UMPS: variants seen among roughly 807,000 people sequenced by gnomAD.
UMPS encodes uridine monophosphate synthetase, also known as uridine 5'-monophosphate synthase.
Under a neutral mutation model 38.9 loss-of-function variants are expected in UMPS, and 21 were observed. The ratio of observed to expected loss-of-function variants is 0.54; its 90% confidence interval spans 0.38 to 0.78. The LOEUF (loss-of-function observed/expected upper bound fraction) is 0.78. Ranked by LOEUF, UMPS falls within the 30% of genes least tolerant of loss-of-function variation. The pLI is 0.00. For missense variants in UMPS, 533 were observed against 591.6 expected (o/e 0.90, Z 1.03); for synonymous variants, 208 against 219.3 (o/e 0.95, Z 0.45).
At position 124,749,233 on chromosome 3, in the gene UMPS, T is replaced by C. The variant is rs1016712353; in HGVS notation, c.*5149T>C. 4.4e-6 allele frequency: 2 copies of C among 453,414 alleles called. No homozygotes were observed. The allele number at this position is 453,414 out of a possible 1,614,324, so 28.1% of individuals were successfully genotyped here. A position where few individuals can be genotyped will look rare whatever the true frequency, so the allele number is the denominator to read the frequency against. ...TAAAAAAAATATATACATAAAAATATGGGTTCTTTTCAACCTGAATAGATG... is the reference window on the plus strand; with the variant it reads ...TAAAAAAAATATATACATAAAAATACGGGTTCTTTTCAACCTGAATAGATG... On this transcript the variant is annotated 3_prime_UTR_variant, in exon 6 of 6. Coordinates refer to ENST00000232607, the MANE Select transcript of UMPS (RefSeq NM_000373.4).
intron 2 of UMPS, among the ~76,000 whole-genome samples, chr3:124,736,101 T>C (rs1274034196): frequency 6.6e-6 from 1 of 151,706 alleles, no homozygotes; most frequent in East Asian, 1.9e-4. Flanking sequence ...TGGCAACGTT[T>C]GTCTCTACAA....
intron 4 of UMPS, 70 bp from the exon 5 acceptor site, chr3:124,742,082 A>G: frequency 9.3e-7 from 1 of 1,072,920 alleles, no homozygotes. Flanking sequence ...GAAAAAATAG[A>G]GCATATTTTT....
intron 3 of UMPS, 41 bp downstream of exon 3, chr3:124,738,280 A>C (rs758397059): frequency 1.9e-5 from 31 of 1,598,854 alleles, no homozygotes; most frequent in Non-Finnish European, 2.6e-5. Context: ...TCAGAAATCC[A>C]GCTTAAACTG....
rs990993320 is a variant in UMPS, at chr3:124,748,114, A to T, written c.*4030A>T. 1.4e-5 allele frequency: 5 copies of T among 355,832 alleles called. No homozygotes were observed. The highest frequency in any genetic ancestry group is 1.5e-4 in the East Asian group (2 of 13,136). 22.0% of individuals were successfully genotyped at this position (355,832 alleles called of 1,614,324 possible). On this transcript the variant is annotated 3_prime_UTR_variant, in exon 6 of 6. Coordinates refer to ENST00000232607, the MANE Select transcript of UMPS (RefSeq NM_000373.4). ...TATATTAGATATAATATATAATAGT[A>T]TATATAAATAATACTATATTGCCCA...
In UMPS at chr3:124,747,837, T is replaced by G; in HGVS notation, c.*3753T>G. 2.2e-6 allele frequency: 1 copy of G among 452,990 alleles called. No homozygotes were observed. Among genetic ancestry groups the G allele is most frequent in the East Asian group, 7.0e-5 (1 of 14,344 alleles). The allele number at this position is 452,990 out of a possible 1,614,324, so 28.1% of individuals were successfully genotyped here. On this transcript the variant is annotated 3_prime_UTR_variant, in exon 6 of 6. Coordinates refer to ENST00000232607, the MANE Select transcript of UMPS (RefSeq NM_000373.4). ...CTCCCAGCGAAATAGCTGCTTGGTC[T>G]TGTGTGAATCCTGTACTTTAACACA...
In UMPS at chr3:124,737,962, G is replaced by T; in HGVS notation, c.705G>T (p.Arg235Ser). Residue 235 changes from arginine to serine, a missense_variant, in exon 3 of 6, where the codon AGG becomes AGT. By Grantham distance (110) the Arg-to-Ser change is moderately radical. Transcript: ENST00000232607. ...TCGGTGCACGTGCAGAGCTGCCCAG[G>T]ATCCACCCAGTTGCATCGAAGCTTC... is the stretch of plus-strand genomic sequence containing the variant. ...LSFGARAELP[R>S]IHPVASKLLR... is the part of the protein sequence containing the mutation. 6.2e-7 allele frequency: 1 copy of T among 1,614,220 alleles called. No individual in the cohort carries two copies.
In UMPS at chr3:124,738,085, T is replaced by C. The variant is rs1440997417; in HGVS notation, c.828T>C (p.Ser276=). The C allele has an allele frequency of 6.2e-7, 1 of 1,614,116 alleles. No homozygotes were observed. The highest frequency in any genetic ancestry group is 1.3e-5 in the African/African-American group (1 of 74,940). Residue 276 remains serine, a synonymous_variant, in exon 3 of 6, where the codon AGT becomes AGC. Transcript: ENST00000232607. The stretch of plus-strand genomic sequence containing the variant: ...AGCTAGCAGATGCTTTAGGACCTAG[T>C]ATCTGCATGCTGAAGACTCATGTAG... ...LLQLADALGP[S]ICMLKTHVDI...
At position 124,743,871 on chromosome 3, in the gene UMPS, G is replaced by T; in HGVS notation, c.1274-44G>T. 1.9e-6 allele frequency: 3 copies of T among 1,611,702 alleles called. No individual in the cohort carries two copies. In the South Asian group the frequency reaches 3.3e-5, roughly 18 times the overall value. Reference sequence around the variant, plus strand: ...AGAGAAGTCATGTGACAGGTTTTCTGATTTTTGTATTATGTGAAACAACAA... The same window carrying T: ...AGAGAAGTCATGTGACAGGTTTTCTTATTTTTGTATTATGTGAAACAACAA... On this transcript the variant is annotated intron_variant, in intron 5 of 5. Coordinates refer to ENST00000232607, the MANE Select transcript of UMPS (RefSeq NM_000373.4).
At chr3:124,735,816 A>G (rs2063514480) in intron 2 of UMPS, among the ~76,000 whole-genome samples, 1 of 152,164 alleles carries the variant, frequency 6.6e-6, no homozygotes, top group Admixed American at 6.5e-5. Context: ...GTCTCTACTA[A>G]AAATACAAAA....
In UMPS at chr3:124,730,467, C is replaced by G; in HGVS notation, c.-5C>G. The G allele has an allele frequency of 6.2e-7, 1 of 1,614,018 alleles. No homozygotes were observed. Among genetic ancestry groups the G allele is most frequent in the Non-Finnish European group, 8.5e-7 (1 of 1,179,934 alleles). On this transcript the variant is annotated 5_prime_UTR_variant, in exon 1 of 6. Transcript: ENST00000232607. ...GAATTTGAAGCAAACAGGCAGCGCGCGACAATGGCGGTCGCTCGTGCAGCT... is the reference window on the plus strand; with the variant it reads ...GAATTTGAAGCAAACAGGCAGCGCGGGACAATGGCGGTCGCTCGTGCAGCT...
At chr3:124,742,010 G>T (rs1206325855) in intron 4 of UMPS, 142 bp from the exon 5 acceptor site, 2 of 726,132 alleles carry the variant, frequency 2.8e-6, no homozygotes, top group African/African-American at 1.8e-5. Flanking sequence ...GAGCCCAGGG[G>T]TTCAAGACCA....
chr3:124,745,259 T>A lies in UMPS; in HGVS notation c.*1175T>A, dbSNP rs1257224118. 6.6e-6 allele frequency: 3 copies of A among 453,988 alleles called. No individual in the cohort carries two copies. The highest frequency in any genetic ancestry group is 6.0e-5 in the African/African-American group (3 of 50,002). The allele number at this position is 453,988 out of a possible 1,614,324, so 28.1% of individuals were successfully genotyped here. A position where few individuals can be genotyped will look rare whatever the true frequency, so the allele number is the denominator to read the frequency against. ...GCTCATTGCACCAGCACACTCACAT[T>A]CCTTCTCATTTGGGGCCCACCTGCA... On this transcript the variant is annotated 3_prime_UTR_variant, in exon 6 of 6. Coordinates refer to ENST00000232607, the MANE Select transcript of UMPS (RefSeq NM_000373.4).
At chr3:124,742,308 T>C (rs772466387) in intron 5 of UMPS, 42 bp downstream of exon 5, 31 of 1,440,808 alleles carry the variant, frequency 2.2e-5, no homozygotes, top group Non-Finnish European at 2.8e-5. Flanking sequence ...AAAATGCTTC[T>C]TTACCCATGG....
Position 124,748,417 on chromosome 3 carries a change from C to A in UMPS, c.*4333C>A, listed in dbSNP as rs998274442. 2 of 453,864 alleles carry A rather than the reference C, an allele frequency of 4.4e-6. No homozygotes were observed. The highest frequency in any genetic ancestry group is 3.1e-5 in the South Asian group (2 of 64,416). The allele number at this position is 453,864 out of a possible 1,614,324, so 28.1% of individuals were successfully genotyped here. A position where few individuals can be genotyped will look rare whatever the true frequency, so the allele number is the denominator to read the frequency against. On this transcript the variant is annotated 3_prime_UTR_variant, in exon 6 of 6. Coordinates refer to ENST00000232607, the MANE Select transcript of UMPS (RefSeq NM_000373.4). ...CCCCATAACCCTTCCAAAGGAAGGC[C>A]GCAATAGAAATACAAAGAGAAACAA... is the stretch of plus-strand genomic sequence containing the variant.
chr3:124,747,818 G>A lies in UMPS; in HGVS notation c.*3734G>A. 2.2e-6 allele frequency: 1 copy of A among 451,940 alleles called. No homozygotes were observed. Among genetic ancestry groups the A allele is most frequent in the Non-Finnish European group, 4.4e-6 (1 of 224,944 alleles). The allele number at this position is 451,940 out of a possible 1,614,324, so 28.0% of individuals were successfully genotyped here. On this transcript the variant is annotated 3_prime_UTR_variant, in exon 6 of 6. Coordinates refer to ENST00000232607, the MANE Select transcript of UMPS (RefSeq NM_000373.4). The stretch of plus-strand genomic sequence containing the variant: ...CTGGCTGCATCAGCGATCTCTCCCA[G>A]CGAAATAGCTGCTTGGTCTTGTGTG...
In UMPS at chr3:124,749,050, T is replaced by C. The variant is rs1468241302; in HGVS notation, c.*4966T>C. The stretch of plus-strand genomic sequence containing the variant: ...TGCCTCCAATGTCCCAACACTGCAT[T>C]GTCTCCCTGCACTTAGCAGCCCTGC... On this transcript the variant is annotated 3_prime_UTR_variant, in exon 6 of 6. Coordinates refer to ENST00000232607, the MANE Select transcript of UMPS (RefSeq NM_000373.4). 4.4e-6 allele frequency: 2 copies of C among 453,956 alleles called. No homozygotes were observed. Among genetic ancestry groups the C allele is most frequent in the Non-Finnish European group, 8.8e-6 (2 of 226,790 alleles). The allele number at this position is 453,956 out of a possible 1,614,324, so 28.1% of individuals were successfully genotyped here. A position where few individuals can be genotyped will look rare whatever the true frequency, so the allele number is the denominator to read the frequency against.
At chr3:124,733,266 CTCTG>C (rs1357419646) in intron 1 of UMPS, among the ~76,000 whole-genome samples, 1 of 152,086 alleles carries the variant, frequency 6.6e-6, no homozygotes, top group Non-Finnish European at 1.5e-5. Flanking sequence ...GTTTTTATCT[CTCTG>C]TCAAAATTTG....
rs758463509 is a variant in UMPS, at chr3:124,748,262, A to G, written c.*4178A>G. 42 of 453,782 alleles carry G rather than the reference A, an allele frequency of 9.3e-5. No individual in the cohort carries two copies. The highest frequency in any genetic ancestry group is 1.6e-4 in the Non-Finnish European group (36 of 226,782). The allele number at this position is 453,782 out of a possible 1,614,324, so 28.1% of individuals were successfully genotyped here. A position where few individuals can be genotyped will look rare whatever the true frequency, so the allele number is the denominator to read the frequency against. The stretch of plus-strand genomic sequence containing the variant: ...GTTCTTTACATTTATTTTATAATCA[A>G]TGCTGTTTTATTAAATGCGGATTTT... On this transcript the variant is annotated 3_prime_UTR_variant, in exon 6 of 6. Coordinates refer to ENST00000232607, the MANE Select transcript of UMPS (RefSeq NM_000373.4).
In UMPS at chr3:124,744,150, C is replaced by T; in HGVS notation, c.*66C>T. On this transcript the variant is annotated 3_prime_UTR_variant, in exon 6 of 6. Coordinates refer to ENST00000232607, the MANE Select transcript of UMPS (RefSeq NM_000373.4). ...GAAGATATGTGGTCCTCCTGAAAGT[C>T]ACTGGCTGGAAATAATCCAATTATT... The T allele has an allele frequency of 6.3e-7, 1 of 1,583,252 alleles. No homozygotes were observed.
Sources: gnomAD v4.1 joint callset for allele counts (sites outside exome capture counted in the v4.1 genomes callset) on GRCh38, gnomAD v4.1.1 for gene constraint, MANE v1.5 for transcripts, NCBI Gene and HGNC (gene_info 2026-07-23, HGNC 2026-07-21) for gene names.